LY96: variants seen among roughly 807,000 people sequenced by gnomAD.
LY96 encodes the protein lymphocyte antigen 96.
LY96 carries 18 observed loss-of-function variants against 18.9 expected under a neutral mutation model. The ratio of observed to expected loss-of-function variants is 0.95; its 90% CI spans 0.66 to 1.41. The LOEUF is 1.41. Among genes scored for constraint, LY96 ranks in the 40% most tolerant of loss-of-function variants. The pLI is 0.00. For missense variants in LY96, 175 were observed against 182.4 expected (o/e 0.96, Z 0.23); for synonymous variants, 66 against 62.6 (o/e 1.06, Z -0.26).
At chr8:74,017,042 G>T (rs1185798884) in intron 3 of LY96, among the ~76,000 whole-genome samples, 1 of 152,212 alleles carries the variant, frequency 6.6e-6, no homozygotes, top group African/African-American at 2.4e-5. Flanking sequence ...AAGCTGGATG[G>T]AGAATGACTT....
chr8:74,059,168 T>A, the LY96 span, among the ~76,000 whole-genome samples: 2 of 152,212 alleles, frequency 1.3e-5, no homozygotes, highest in Non-Finnish European at 2.9e-5. Context: ...TAATCAGATA[T>A]CTGAGCATAC....
At chr8:74,094,954 T>C in the LY96 span, among the ~76,000 whole-genome samples, 1 of 152,164 alleles carries the variant, frequency 6.6e-6, no homozygotes, top group African/African-American at 2.4e-5. Context: ...TAGGAGATGA[T>C]TTTACAGAGT....
the LY96 span, among the ~76,000 whole-genome samples, chr8:74,075,963 C>G: frequency 6.6e-6 from 1 of 152,138 alleles, no homozygotes; most frequent in African/African-American, 2.4e-5. Context: ...CCTGTTGCGA[C>G]GCAGTCCTGG....
At chr8:74,001,828 C>A (rs1291091865) in intron 1 of LY96, among the ~76,000 whole-genome samples, 6 of 151,976 alleles carry the variant, frequency 3.9e-5, no homozygotes, top group African/African-American at 1.2e-4. Flanking sequence ...ACAGAGCAGA[C>A]CCCCGTATTT....
chr8:73,993,351 C>T (rs1182039439), intron 1 of LY96, among the ~76,000 whole-genome samples: 4 of 152,042 alleles, frequency 2.6e-5, no homozygotes, highest in Non-Finnish European at 5.9e-5. Flanking sequence ...TCTCCACTCA[C>T]TGCAACCTCC....
chr8:74,037,585 A>G, the LY96 span, among the ~76,000 whole-genome samples: 132 of 152,304 alleles, frequency 8.7e-4, no homozygotes, highest in Non-Finnish European at 1.6e-3. Context: ...TGAAGCTAAG[A>G]TTGTGCCACT....
At chr8:74,067,479 C>T in the LY96 span, among the ~76,000 whole-genome samples, 1 of 152,120 alleles carries the variant, frequency 6.6e-6, no homozygotes, top group Non-Finnish European at 1.5e-5. Context: ...TTGGAAAGTG[C>T]TGGGATTACA....
intron 1 of LY96, among the ~76,000 whole-genome samples, chr8:73,995,859 CA>C (rs1224647123): frequency 6.6e-6 from 1 of 152,136 alleles, no homozygotes; most frequent in Non-Finnish European, 1.5e-5. Context: ...ACAACAAAGA[CA>C]AAAGTCCCTG....
intron 1 of LY96, among the ~76,000 whole-genome samples, chr8:73,996,358 TTCC>T (rs1347462903): frequency 1.3e-3 from 174 of 133,310 alleles, no homozygotes; most frequent in South Asian, 4.4e-3. Context: ...CCTTCCTTCC[TTCC>T]TTCCTTCATT....
downstream of LY96, among the ~76,000 whole-genome samples, chr8:74,031,216 C>T (rs745983897): frequency 3.3e-5 from 5 of 152,120 alleles, no homozygotes; most frequent in Non-Finnish European, 7.4e-5. Context: ...GAGTATATGC[C>T]GCCTGCTGGT....
chr8:74,019,599 C>T (rs1457821334), intron 3 of LY96, among the ~76,000 whole-genome samples: 1 of 152,136 alleles, frequency 6.6e-6, no homozygotes, highest in Non-Finnish European at 1.5e-5. Flanking sequence ...ATACCAAAGC[C>T]TGGCAGAGAC....
chr8:74,028,117 A>G (rs556358393), intron 4 of LY96, among the ~76,000 whole-genome samples: 3 of 152,340 alleles, frequency 2.0e-5, no homozygotes, highest in Admixed American at 1.3e-4. Context: ...CATCCTTTGC[A>G]TAAGGGCGCT....
chr8:74,068,106 T>C, the LY96 span, among the ~76,000 whole-genome samples: 1 of 128,600 alleles, frequency 7.8e-6, no homozygotes, highest in African/African-American at 3.5e-5. Flanking sequence ...ATATATAACA[T>C]TTCCTTCATT....
the LY96 span, among the ~76,000 whole-genome samples, chr8:74,076,386 C>A: frequency 6.6e-6 from 1 of 151,012 alleles, no homozygotes; most frequent in Non-Finnish European, 1.5e-5. Flanking sequence ...TGCAATGGTG[C>A]AATCTTGGCT....
chr8:74,010,047 C>A lies in LY96; in HGVS notation c.249C>A (p.Asn83Lys). The A allele has an allele frequency of 6.2e-7, 1 of 1,608,542 alleles. No homozygotes were observed. Among genetic ancestry groups the A allele is most frequent in the East Asian group, 2.2e-5 (1 of 44,738 alleles). Residue 83 changes from asparagine to lysine, a missense_variant, in exon 3 of 5, where the codon AAC becomes AAA. By Grantham distance (94) the Asn-to-Lys change is moderately conservative. Coordinates refer to ENST00000284818, the MANE Select transcript of LY96 (RefSeq NM_015364.5). ...QLYFNLYITV[N>K]TMNLPKRKEV... ...ATTTCAATCTCTATATAACTGTCAACACCATGAATCTTCCAAAGCGCAAAG... is the reference window on the plus strand; with the variant it reads ...ATTTCAATCTCTATATAACTGTCAAAACCATGAATCTTCCAAAGCGCAAAG...
the LY96 span, among the ~76,000 whole-genome samples, chr8:74,081,397 A>G: frequency 6.6e-6 from 1 of 151,420 alleles, no homozygotes; most frequent in African/African-American, 2.4e-5. Context: ...CTAGGACTAC[A>G]GGTGCATGCC....
chr8:74,088,816 C>A, the LY96 span, among the ~76,000 whole-genome samples: 1 of 152,148 alleles, frequency 6.6e-6, no homozygotes, highest in East Asian at 1.9e-4. Context: ...CAACTCCTGG[C>A]CTCAAGTGAT....
chr8:74,078,327 A>G, the LY96 span, among the ~76,000 whole-genome samples: 2 of 152,102 alleles, frequency 1.3e-5, no homozygotes, highest in Admixed American at 1.3e-4. Context: ...ATACCTGGGA[A>G]AGGAGATACA....
intron 3 of LY96, among the ~76,000 whole-genome samples, chr8:74,022,479 G>A (rs149605245): frequency 2.0e-5 from 3 of 151,380 alleles, no homozygotes; most frequent in Non-Finnish European, 4.4e-5. Context: ...AAAAAAAAAG[G>A]GTTCTATCCA....
Sources: allele counts gnomAD v4.1 joint callset (sites outside exome capture counted in the v4.1 genomes callset), GRCh38; gene constraint gnomAD v4.1.1; transcripts MANE v1.5; gene names NCBI Gene and HGNC (gene_info 2026-07-23, HGNC 2026-07-21).